PDZD4: variants seen among roughly 807,000 people sequenced by gnomAD.
PDZD4 encodes the protein PDZ domain containing 4.
Under a neutral mutation model 38.5 loss-of-function variants are expected in PDZD4, and 9 were observed. The ratio of observed to expected loss-of-function variants is 0.23; its 90% CI spans 0.14 to 0.41. The LOEUF (loss-of-function observed/expected upper bound fraction) is 0.41, where lower values mean the gene tolerates loss of function less well. Ranked by LOEUF, PDZD4 falls within the 10% of genes least tolerant of loss-of-function variation. The probability of loss-of-function intolerance (pLI) is 1.00; values close to 1 mark genes in which losing one functional copy is unlikely to be tolerated. For synonymous variants in PDZD4, 349 were observed against 315.7 expected, an observed-to-expected ratio of 1.11 and a Z score of -1.12; for missense variants, 612 against 722.0, an observed-to-expected ratio of 0.85 and a Z score of 1.75.
At chrX:153,807,899 G>C in intron 2 of PDZD4, 10 of 983,039 alleles carry the variant, frequency 1.0e-5, no homozygotes, top group Non-Finnish European at 1.2e-5. Flanking sequence ...GCGCTCACGC[G>C]GTCATGAGCC....
intron 7 of PDZD4, 33 bp from the exon 8 acceptor site, chrX:153,804,933 G>A (rs1557076392): frequency 1.7e-6 from 2 of 1,177,188 alleles, no homozygotes; most frequent in South Asian, 3.7e-5. Context: ...GCTCAGTTAG[G>A]TCCCACGGAC....
Position 153,803,316 on chromosome X carries a change from G to T in PDZD4, c.*37C>A. 1 of 1,096,802 alleles carries T rather than the reference G, an allele frequency of 9.1e-7. No individual in the cohort carries two copies. Among genetic ancestry groups the T allele is most frequent in the Non-Finnish European group, 1.2e-6 (1 of 840,054 alleles). 90.4% of individuals were successfully genotyped at this position (1,096,802 alleles called of 1,213,427 possible). On this transcript the variant is annotated 3_prime_UTR_variant, in exon 8 of 8. Coordinates refer to ENST00000393758, the MANE Select transcript of PDZD4 (RefSeq NM_001303512.2). ...AGAGTGAGGGCCGGGGCCCCAGGGG[G>T]TTCCCTGGGCCTGGGCCGTGTACCC...
chrX:153,816,844 T>C (rs955373476), intron 1 of PDZD4, among the ~76,000 whole-genome samples: 3 of 111,473 alleles, frequency 2.7e-5, no homozygotes, highest in African/African-American at 9.8e-5. Context: ...CCACAGATGA[T>C]GGTGGCATGA....
rs2064268386 is a variant in PDZD4, at chrX:153,807,778, GC to G, written c.315-410del. 72 of 903,701 alleles carry G rather than the reference GC, an allele frequency of 8.0e-5. 1 individual carries two copies. The South Asian group carries it at 9.1e-4, about 11-fold the overall frequency. 74.5% of individuals were successfully genotyped at this position (903,701 alleles called of 1,213,427 possible). A position where few individuals can be genotyped will look rare whatever the true frequency, so the allele number is the denominator to read the frequency against. ...GAGGACTTCTGCAGAGCAGAGGGGG[GC>G]CCACCCTACCTCCAGGGGCTGCCCT... On this transcript the variant is annotated intron_variant, in intron 2 of 7. Transcript: ENST00000393758.
In PDZD4 at chrX:153,830,211, G is replaced by A. The variant is rs369374375; in HGVS notation, c.60+28C>T. On this transcript the variant is annotated intron_variant, in intron 1 of 7. Transcript: ENST00000393758. Reference sequence around the variant, plus strand: ...CCCGCTCCTCCCCGCGGAGGGCCGCGCCCCCGCCGCAGCGCCGGCGGCCCT... The same window carrying A: ...CCCGCTCCTCCCCGCGGAGGGCCGCACCCCCGCCGCAGCGCCGGCGGCCCT... 5.1e-6 allele frequency: 6 copies of A among 1,180,541 alleles called. No homozygotes were observed. In the East Asian group the frequency reaches 1.3e-4, roughly 25 times the overall value.
intron 1 of PDZD4, among the ~76,000 whole-genome samples, chrX:153,822,311 G>A (rs782488045): frequency 4.5e-5 from 5 of 111,224 alleles, no homozygotes; most frequent in Non-Finnish European, 3.8e-5. Context: ...CAGCTTTCCA[G>A]GCACGTGGCC....
chrX:153,821,248 G>A (rs148754799), intron 1 of PDZD4, among the ~76,000 whole-genome samples: 85 of 110,407 alleles, frequency 7.7e-4, no homozygotes, highest in African/African-American at 2.8e-3. Context: ...GCAGTTAGTC[G>A]GGGGAGGGGT....
intron 1 of PDZD4, among the ~76,000 whole-genome samples, chrX:153,827,481 T>C (rs4898452): frequency 0.42 from 46,457 of 111,164 alleles, 8,390 homozygotes; most frequent in African/African-American, 0.69. Context: ...CCCCAAATGC[T>C]CATCAACTGA....
rs2064246429 is a variant in PDZD4 at position 153,806,095 on chromosome X, G to T, written c.543C>A (p.Ile181=). 1 of 1,210,455 alleles carries T rather than the reference G, an allele frequency of 8.3e-7. No homozygotes were observed. The highest frequency in any genetic ancestry group is 1.7e-5 in the African/African-American group (1 of 57,405). The change falls in exon 5 of 8, where the codon ATC becomes ATA. Residue 181 remains isoleucine, a synonymous_variant. Transcript: ENST00000393758. ...PNSIAAKDGR[I]REGDRIIQIN... is the part of the protein sequence containing the mutation. The stretch of plus-strand genomic sequence containing the variant: ...CCTGGATGATGCGGTCTCCCTCACG[G>T]ATCCGGCCGTCTTTGGCTGCAATGC...
intron 1 of PDZD4, among the ~76,000 whole-genome samples, chrX:153,816,422 G>T (rs1462933823): frequency 9.2e-6 from 1 of 109,065 alleles, no homozygotes; most frequent in Non-Finnish European, 1.9e-5. Context: ...CGTGTGCTGG[G>T]GATTCTGTGG....
At chrX:153,819,718 T>G (rs1019148815) in intron 1 of PDZD4, among the ~76,000 whole-genome samples, 1 of 111,930 alleles carries the variant, frequency 8.9e-6, no homozygotes, top group Non-Finnish European at 1.9e-5. Flanking sequence ...CATCGGGGGA[T>G]CTCCCAACGA....
rs147697344 is a variant in PDZD4 at position 153,813,745 on chromosome X, G to A, written c.61-5150C>T. 5.7e-3 allele frequency among the ~76,000 whole-genome samples: 639 copies of A among 111,308 alleles called. 3 individuals are homozygous for A. Among genetic ancestry groups the A allele is most frequent in the African/African-American group, 0.02 (600 of 30,582 alleles). On this transcript the variant is annotated intron_variant, in intron 1 of 7. Transcript: ENST00000393758. Reference sequence around the variant, plus strand: ...TGGCAGTGCTGGTGCTAAGTGATGCGAGATGATGCCCCATACTTCTCCAGA... The same window carrying A: ...TGGCAGTGCTGGTGCTAAGTGATGCAAGATGATGCCCCATACTTCTCCAGA...
rs180684880 is a variant in PDZD4 at position 153,828,108 on chromosome X, G to A, written c.60+2131C>T. Among the ~76,000 whole-genome samples, 1,043 of 111,591 alleles carry A rather than the reference G, an allele frequency of 9.3e-3. 8 individuals are homozygous for A. The highest frequency in any genetic ancestry group is 0.016 in the Non-Finnish European group (873 of 53,003). On this transcript the variant is annotated intron_variant, in intron 1 of 7. Transcript: ENST00000393758. ...GGAGAAGTGCCCCCTAAAGATGGGGGAGCACCCGTGTTTAAGGAGGCCGGG... is the reference window on the plus strand; with the variant it reads ...GGAGAAGTGCCCCCTAAAGATGGGGAAGCACCCGTGTTTAAGGAGGCCGGG...
rs919503271 is a variant in PDZD4 at position 153,807,214 on chromosome X, G to A, written c.405+65C>T. ...CCACGGGGTTGGGCCTGGGCAGGAA[G>A]GCACACAGGCGTCGGGGCGGCTCCC... On this transcript the variant is annotated intron_variant, in intron 3 of 7. Coordinates refer to ENST00000393758, the MANE Select transcript of PDZD4 (RefSeq NM_001303512.2). 1.3e-5 allele frequency: 14 copies of A among 1,099,644 alleles called. No homozygotes were observed. In the African/African-American group the frequency reaches 2.5e-4, roughly 20 times the overall value. The allele number at this position is 1,099,644 out of a possible 1,213,427, so 90.6% of individuals were successfully genotyped here. A position where few individuals can be genotyped will look rare whatever the true frequency, so the allele number is the denominator to read the frequency against.
chrX:153,813,809 T>C (rs2040356), intron 1 of PDZD4, among the ~76,000 whole-genome samples: 52,990 of 110,056 alleles, frequency 0.48, 10,550 homozygotes, highest in East Asian at 0.83. Flanking sequence ...ATACCCAGGC[T>C]GGAGCTCAGC....
Position 153,803,290 on chromosome X carries a change from G to A in PDZD4, c.*63C>T. 1.0e-6 allele frequency: 1 copy of A among 960,573 alleles called. No homozygotes were observed. 79.2% of individuals were successfully genotyped at this position (960,573 alleles called of 1,213,427 possible). On this transcript the variant is annotated 3_prime_UTR_variant, in exon 8 of 8. Transcript: ENST00000393758. ...ACACACACACACACAATCTCTATAG[G>A]AGAGTGAGGGCCGGGGCCCCAGGGG...
chrX:153,803,132 T>C lies in PDZD4; in HGVS notation c.*221A>G, dbSNP rs575221741. On this transcript the variant is annotated 3_prime_UTR_variant, in exon 8 of 8. Transcript: ENST00000393758. ...GTGCCCCCAGTGCTGGCCACTGGCA[T>C]GGTCACTTTACTTGGGCAGAAGGAA... 11 of 299,227 alleles carry C rather than the reference T, an allele frequency of 3.7e-5. No individual in the cohort carries two copies. The South Asian group carries it at 1.2e-3, about 32-fold the overall frequency. The allele number at this position is 299,227 out of a possible 1,213,427, so 24.7% of individuals were successfully genotyped here. A position where few individuals can be genotyped will look rare whatever the true frequency, so the allele number is the denominator to read the frequency against.
chrX:153,812,627 C>T (rs782126430), intron 1 of PDZD4, among the ~76,000 whole-genome samples: 2 of 111,140 alleles, frequency 1.8e-5, no homozygotes, highest in East Asian at 5.7e-4. Context: ...CTCTCTCCTC[C>T]TCATCGGTCA....
At chrX:153,818,323 G>C (rs1230964588) in intron 1 of PDZD4, among the ~76,000 whole-genome samples, 1 of 110,858 alleles carries the variant, frequency 9.0e-6, no homozygotes, top group African/African-American at 3.3e-5. Context: ...GGAGGTAGGG[G>C]GCAGGCGGTA....
Sources: allele counts gnomAD v4.1 joint callset (sites outside exome capture counted in the v4.1 genomes callset), GRCh38; gene constraint gnomAD v4.1.1; transcripts MANE v1.5; gene names NCBI Gene and HGNC (gene_info 2026-07-23, HGNC 2026-07-21).